Variants in KIAA1217 observed in about 807,000 individuals in gnomAD.
KIAA1217 encodes the protein KIAA1217.
Under a neutral mutation model 163.9 loss-of-function variants are expected in KIAA1217, and 88 were observed. The ratio of observed to expected loss-of-function variants is 0.54; its 90% CI spans 0.45 to 0.64. The LOEUF (loss-of-function observed/expected upper bound fraction) is 0.64, where lower values mean the gene tolerates loss of function less well. KIAA1217 is among the 30% of genes least tolerant of loss of function. The probability of loss-of-function intolerance (pLI) is 0.00; values close to 1 mark genes in which losing one functional copy is unlikely to be tolerated. For missense variants in KIAA1217, 2,372 were observed against 2,475.0 expected (o/e 0.96, Z 0.88); for synonymous variants, 903 against 923.1 (o/e 0.98, Z 0.39).
intron 1 of KIAA1217, among the ~76,000 whole-genome samples, chr10:24,219,417 C>T (rs1174759789): frequency 6.6e-6 from 1 of 152,160 alleles, no homozygotes; most frequent in Non-Finnish European, 1.5e-5. Context: ...CAATGAACAT[C>T]TTTATTTCTA....
intron 3 of KIAA1217, among the ~76,000 whole-genome samples, chr10:24,413,966 G>A (rs200493292): frequency 3.3e-5 from 5 of 152,170 alleles, no homozygotes; most frequent in South Asian, 2.1e-4. Context: ...GCTTACCATC[G>A]TATCCCCTCC....
intron 2 of KIAA1217, among the ~76,000 whole-genome samples, chr10:24,292,726 C>G (rs2079208110): frequency 6.6e-6 from 1 of 152,166 alleles, no homozygotes; most frequent in African/African-American, 2.4e-5. Context: ...TCATGATTGA[C>G]ATGGGCTGTT....
chr10:24,399,693 T>C (rs1018977302), intron 3 of KIAA1217, among the ~76,000 whole-genome samples: 2 of 152,138 alleles, frequency 1.3e-5, no homozygotes, highest in African/African-American at 4.8e-5. Context: ...AGGTTGAATG[T>C]GGATAATGCT....
chr10:24,097,364 C>A (rs1419672667), intron 2 of KIAA1217, among the ~76,000 whole-genome samples: 1 of 152,100 alleles, frequency 6.6e-6, no homozygotes, highest in East Asian at 1.9e-4. Flanking sequence ...CTAGCCTGAA[C>A]AACATAGCAA....
chr10:23,831,960 A>G (rs1414438122), intron 1 of KIAA1217, among the ~76,000 whole-genome samples: 3 of 152,126 alleles, frequency 2.0e-5, no homozygotes, highest in Non-Finnish European at 4.4e-5. Context: ...TCAACACAGA[A>G]CACTTCTGTG....
chr10:23,996,522 G>A (rs573769860), intron 1 of KIAA1217, among the ~76,000 whole-genome samples: 9 of 152,086 alleles, frequency 5.9e-5, no homozygotes, highest in South Asian at 4.2e-4. Context: ...CTGGTACACC[G>A]TAGCCCTACA....
chr10:23,876,254 T>C (rs1166561002), intron 1 of KIAA1217, among the ~76,000 whole-genome samples: 1 of 151,756 alleles, frequency 6.6e-6, no homozygotes, highest in Non-Finnish European at 1.5e-5. Flanking sequence ...CTGCAGGTTC[T>C]CACCTGTAAG....
intron 1 of KIAA1217, among the ~76,000 whole-genome samples, chr10:23,985,715 T>C (rs1845944240): frequency 6.6e-6 from 1 of 152,212 alleles, no homozygotes; most frequent in East Asian, 1.9e-4. Flanking sequence ...TCTTGGTTCT[T>C]TGGGTTTCCT....
chr10:24,353,705 C>G (rs1190611873), intron 2 of KIAA1217, among the ~76,000 whole-genome samples: 1 of 152,118 alleles, frequency 6.6e-6, no homozygotes, highest in Non-Finnish European at 1.5e-5. Context: ...ATGTTTTCAA[C>G]TTTTTGCTCT....
chr10:24,054,194 G>A (rs568720398), intron 2 of KIAA1217, among the ~76,000 whole-genome samples: 2 of 152,126 alleles, frequency 1.3e-5, no homozygotes, highest in African/African-American at 4.8e-5. Flanking sequence ...AGCAGGTTTT[G>A]GTAATTGAGA....
intron 2 of KIAA1217, among the ~76,000 whole-genome samples, chr10:24,077,573 G>C (rs565435182): frequency 1.3e-5 from 2 of 152,230 alleles, no homozygotes; most frequent in South Asian, 4.1e-4. Flanking sequence ...TCTTTATCCA[G>C]TCTACCATTG....
At chr10:23,781,884 C>T (rs950291676) in intron 1 of KIAA1217, among the ~76,000 whole-genome samples, 4 of 152,066 alleles carry the variant, frequency 2.6e-5, no homozygotes, top group African/African-American at 9.7e-5. Flanking sequence ...ACTATATATG[C>T]ACGGGTTTAT....
chr10:24,341,905 G>A (rs529046574), intron 2 of KIAA1217, among the ~76,000 whole-genome samples: 4 of 151,786 alleles, frequency 2.6e-5, no homozygotes, highest in South Asian at 2.1e-4. Flanking sequence ...TTGGAATATC[G>A]TCATGTGTTC....
chr10:24,504,330 G>T (rs1202132784), intron 9 of KIAA1217, among the ~76,000 whole-genome samples: 1 of 152,146 alleles, frequency 6.6e-6, no homozygotes, highest in Non-Finnish European at 1.5e-5. Context: ...GTTCTAAAGC[G>T]CAGACTCGCA....
intron 2 of KIAA1217, among the ~76,000 whole-genome samples, chr10:24,271,457 AAGAGTAGGAAT>A (rs1217044059): frequency 1.3e-5 from 2 of 152,190 alleles, no homozygotes; most frequent in African/African-American, 4.8e-5. Flanking sequence ...TAAAGGAAAG[AAGAGTAGGAAT>A]AGGATGGTGC....
intron 2 of KIAA1217, among the ~76,000 whole-genome samples, chr10:24,282,510 A>G (rs1335734162): frequency 1.3e-5 from 2 of 152,208 alleles, no homozygotes; most frequent in South Asian, 2.1e-4. Context: ...CGTTTATAAC[A>G]GTATAGACTC....
intron 1 of KIAA1217, among the ~76,000 whole-genome samples, chr10:23,970,589 A>C (rs1845272862): frequency 6.6e-6 from 1 of 152,226 alleles, no homozygotes; most frequent in Admixed American, 6.5e-5. Flanking sequence ...GACTATAGTT[A>C]ATAATAATGT....
intron 3 of KIAA1217, among the ~76,000 whole-genome samples, chr10:24,402,176 T>G (rs1425977089): frequency 6.6e-6 from 1 of 152,128 alleles, no homozygotes; most frequent in Non-Finnish European, 1.5e-5. Flanking sequence ...GTTTTTTTTG[T>G]AAACATAAAC....
intron 2 of KIAA1217, among the ~76,000 whole-genome samples, chr10:24,365,725 C>T (rs2050692470): frequency 6.6e-6 from 1 of 152,054 alleles, no homozygotes; most frequent in Admixed American, 6.6e-5. Context: ...TTTTTAACCC[C>T]TATGTGCATC....
Sources: gnomAD v4.1 joint callset for allele counts (sites outside exome capture counted in the v4.1 genomes callset) on GRCh38, gnomAD v4.1.1 for gene constraint, MANE v1.5 for transcripts, NCBI Gene and HGNC (gene_info 2026-07-23, HGNC 2026-07-21) for gene names.